RCL1: variants seen among roughly 807,000 people sequenced by gnomAD.
The protein encoded by RCL1 is RNA terminal phosphate cyclase like 1, also known as RNA 3'-terminal phosphate cyclase-like protein.
RCL1 carries 24 observed loss-of-function variants against 42.4 expected under a neutral mutation model. The observed-to-expected ratio is 0.57, with a 90% CI of 0.41 to 0.80. The LOEUF is 0.80. Among genes scored for constraint, RCL1 ranks in the 30% least tolerant of loss-of-function variants. RCL1 has a pLI of 0.00. For missense variants in RCL1, 578 were observed against 467.9 expected (o/e 1.24, Z -2.17); for synonymous variants, 228 against 177.3 (o/e 1.29, Z -2.27).
chr9:4,798,850 T>C (rs1454350718), intron 1 of RCL1, among the ~76,000 whole-genome samples: 1 of 151,106 alleles, frequency 6.6e-6, no homozygotes, highest in Non-Finnish European at 1.5e-5. Context: ...CAAGTGATGA[T>C]TTTTGGCTGC....
chr9:4,819,159 C>G (rs1228558445), intron 1 of RCL1, among the ~76,000 whole-genome samples: 2 of 152,162 alleles, frequency 1.3e-5, no homozygotes, highest in Non-Finnish European at 2.9e-5. Flanking sequence ...GTCCTCAACC[C>G]CAGACAGGGC....
At chr9:4,814,197 A>G (rs554811276) in intron 1 of RCL1, among the ~76,000 whole-genome samples, 14 of 122,796 alleles carry the variant, frequency 1.1e-4, no homozygotes, top group African/African-American at 3.3e-4. Context: ...GTTAGCTGTG[A>G]GTTTGTCATA....
chr9:4,801,671 C>G (rs1843002505), intron 1 of RCL1, among the ~76,000 whole-genome samples: 2 of 147,772 alleles, frequency 1.4e-5, no homozygotes, highest in Admixed American at 6.8e-5. Context: ...AGTGTTAAGT[C>G]TAAGAACTCT....
At chr9:4,821,706 G>A (rs1218507198) in intron 1 of RCL1, among the ~76,000 whole-genome samples, 5 of 152,060 alleles carry the variant, frequency 3.3e-5, no homozygotes, top group African/African-American at 1.2e-4. Flanking sequence ...CCTTCAACTC[G>A]TGGTCACAGG....
chr9:4,852,927 A>G (rs1443998016), intron 8 of RCL1, among the ~76,000 whole-genome samples: 2 of 152,142 alleles, frequency 1.3e-5, no homozygotes, highest in Non-Finnish European at 2.9e-5. Context: ...CTGCCCAGCT[A>G]CCTATAAATC....
intron 7 of RCL1, among the ~76,000 whole-genome samples, chr9:4,848,105 A>G (rs1449655378): frequency 6.6e-6 from 1 of 152,242 alleles, no homozygotes; most frequent in Non-Finnish European, 1.5e-5. Context: ...GAGACTGAAG[A>G]GAACACTTTA....
At chr9:4,838,257 C>T (rs749024351) in intron 5 of RCL1, among the ~76,000 whole-genome samples, 29 of 152,304 alleles carry the variant, frequency 1.9e-4, no homozygotes, top group Middle Eastern at 3.4e-3. Context: ...TCTTTTCCCT[C>T]TTGCGTTCTA....
In RCL1 at chr9:4,860,243, G is replaced by C. The variant is rs961155731; in HGVS notation, c.1090G>C (p.Gly364Arg). The C allele has an allele frequency of 1.2e-6, 2 of 1,613,432 alleles. No homozygotes were observed. Among genetic ancestry groups the C allele is most frequent in the Non-Finnish European group, 1.7e-6 (2 of 1,179,798 alleles). ...DKVLMTCVGI[G>R]FSNLSKTLK is the part of the protein sequence containing the mutation. ...AGTGCTGATGACCTGTGTTGGCATT[G>C]GTTTCTCCAACCTTAGCAAGACCCT... The change falls in exon 9 of 9, where the codon GGT (glycine) becomes CGT (arginine). Residue 364 changes from glycine (G) to arginine (R), a missense_variant. By Grantham distance (125) the Gly-to-Arg change is moderately radical. Coordinates refer to ENST00000381750, the MANE Select transcript of RCL1 (RefSeq NM_005772.5).
intron 3 of RCL1, chr9:4,827,437 G>A (rs58963194): frequency 0.014 from 5,820 of 429,954 alleles, 233 homozygotes; most frequent in African/African-American, 0.095. Flanking sequence ...CATTGTTACA[G>A]CGTAATCTTG....
At chr9:4,807,746 T>C (rs959047598) in intron 1 of RCL1, among the ~76,000 whole-genome samples, 1 of 152,190 alleles carries the variant, frequency 6.6e-6, no homozygotes, top group African/African-American at 2.4e-5. Context: ...CTCAAACTCC[T>C]GACCTCAGGT....
At chr9:4,806,587 TACAC>T (rs71326137) in intron 1 of RCL1, among the ~76,000 whole-genome samples, 39,671 of 135,460 alleles carry the variant, frequency 0.29, 6,537 homozygotes, top group East Asian at 0.51. Flanking sequence ...CTACTTGATC[TACAC>T]ACACACACAC....
In RCL1 at chr9:4,826,937, G is replaced by A. The variant is rs1453498477; in HGVS notation, c.288G>A (p.Gly96=). 7 of 1,614,010 alleles carry A rather than the reference G, an allele frequency of 4.3e-6. No individual in the cohort carries two copies. Among genetic ancestry groups the A allele is most frequent in the Non-Finnish European group, 5.9e-6 (7 of 1,180,004 alleles). The change falls in exon 3 of 9, where the codon GGG becomes GGA. Residue 96 remains glycine (G), a synonymous_variant. Coordinates refer to ENST00000381750, the MANE Select transcript of RCL1 (RefSeq NM_005772.5). ...EHDCSVLRGI[G]YYLESLLCLA... ...ACTGTAGCGTCCTTCGTGGCATTGG[G>A]TATTACCTGGAGAGTCTTCTTTGCT...
chr9:4,827,033 A>G lies in RCL1; in HGVS notation c.384A>G (p.Ser128=), dbSNP rs1279883609. Residue 128 remains serine (S), a splice_region_variant and synonymous_variant, in exon 3 of 9, where the codon TCA becomes TCG. Transcript: ENST00000381750. ...TGACCAATGATCAGGTTGACCCTTC[A>G]GTGAGTATTGAGAACAAACCGTGGT... ...RGVTNDQVDP[S]VDVLKATALP... 6.2e-7 allele frequency: 1 copy of G among 1,614,232 alleles called. No homozygotes were observed. Among genetic ancestry groups the G allele is most frequent in the South Asian group, 1.1e-5 (1 of 91,088 alleles).
rs777057704 is a variant in RCL1, at chr9:4,833,174, A to T, written c.405A>T (p.Thr135=). Reference sequence around the variant, plus strand: ...CATAGGTTGATGTTCTTAAGGCAACAGCACTCCCTTTGTTGAAACAATTTG... The same window carrying T: ...CATAGGTTGATGTTCTTAAGGCAACTGCACTCCCTTTGTTGAAACAATTTG... ...VDPSVDVLKA[T]ALPLLKQFGI... Residue 135 remains threonine (T), a synonymous_variant, in exon 4 of 9, where the codon ACA becomes ACT. Coordinates refer to ENST00000381750, the MANE Select transcript of RCL1 (RefSeq NM_005772.5). The T allele has an allele frequency of 6.2e-7, 1 of 1,612,612 alleles. No individual in the cohort carries two copies. The highest frequency in any genetic ancestry group is 1.1e-5 in the South Asian group (1 of 91,050).
intron 5 of RCL1, among the ~76,000 whole-genome samples, chr9:4,834,869 A>G (rs187922605): frequency 1.1e-3 from 169 of 152,340 alleles, no homozygotes; most frequent in Non-Finnish European, 1.5e-3. Context: ...TGAAGCTTCA[A>G]AAGCTTAAGG....
chr9:4,806,038 G>GTGTTTGTGTGTA (rs1554636248), intron 1 of RCL1, among the ~76,000 whole-genome samples: 1 of 134,952 alleles, frequency 7.4e-6, no homozygotes, highest in Non-Finnish European at 1.6e-5. Flanking sequence ...GTGTGTGTGT[G>GTGTTTGTGTGTA]TGTGTGTTTG....
chr9:4,858,712 T>G (rs1406780929), intron 8 of RCL1, among the ~76,000 whole-genome samples: 3 of 150,280 alleles, frequency 2.0e-5, no homozygotes, highest in African/African-American at 7.4e-5. Context: ...AGCGTCAGTG[T>G]TTTTAAAGCT....
In RCL1 at chr9:4,860,577, A is replaced by C. The variant is rs748775869; in HGVS notation, c.*302A>C. 4 of 284,834 alleles carry C rather than the reference A, an allele frequency of 1.4e-5. No individual in the cohort carries two copies. The Admixed American group carries it at 1.7e-4, about 12-fold the overall frequency. The allele number at this position is 284,834 out of a possible 1,614,324, so 17.6% of individuals were successfully genotyped here. On this transcript the variant is annotated 3_prime_UTR_variant, in exon 9 of 9. Coordinates refer to ENST00000381750, the MANE Select transcript of RCL1 (RefSeq NM_005772.5). Reference sequence around the variant, plus strand: ...GCTGCTAGAACAGTCTCGTAGCTGCAGTTCAGCTGTGCTTCCTCAGCCTAC... The same window carrying C: ...GCTGCTAGAACAGTCTCGTAGCTGCCGTTCAGCTGTGCTTCCTCAGCCTAC...
chr9:4,837,443 G>A (rs1210373920), intron 5 of RCL1, among the ~76,000 whole-genome samples: 3 of 152,124 alleles, frequency 2.0e-5, no homozygotes, highest in South Asian at 4.1e-4. Flanking sequence ...TGTCTGGGGG[G>A]TAGTTGTTTT....
Sources: gnomAD v4.1 joint callset for allele counts (sites outside exome capture counted in the v4.1 genomes callset) on GRCh38, gnomAD v4.1.1 for gene constraint, MANE v1.5 for transcripts, NCBI Gene and HGNC (gene_info 2026-07-23, HGNC 2026-07-21) for gene names.